Variants in VOPP1 observed in about 807,000 individuals in gnomAD.
The protein encoded by VOPP1 is WW domain binding protein VOPP1.
A neutral mutation model predicts 23.5 loss-of-function variants in VOPP1; 8 were observed. The ratio of observed to expected loss-of-function variants is 0.34; its 90% CI spans 0.20 to 0.61. The LOEUF (loss-of-function observed/expected upper bound fraction) is 0.61, where lower values mean the gene tolerates loss of function less well. Ranked by LOEUF, VOPP1 falls within the 20% of genes least tolerant of loss-of-function variation. The probability of loss-of-function intolerance (pLI) is 0.78; values close to 1 mark genes in which losing one functional copy is unlikely to be tolerated. For missense variants in VOPP1, 174 were observed against 238.1 expected, an observed-to-expected ratio of 0.73 and a Z score of 1.77; for synonymous variants, 83 against 97.3, an observed-to-expected ratio of 0.85 and a Z score of 0.86.
intron 2 of VOPP1, among the ~76,000 whole-genome samples, chr7:55,501,379 A>G (rs956943441): frequency 9.9e-5 from 15 of 152,216 alleles, no homozygotes; most frequent in Non-Finnish European, 2.2e-4. Context: ...ACACTTCTTC[A>G]CAGCTGCTGC....
At chr7:55,500,394 C>G (rs1583933358) in intron 2 of VOPP1, among the ~76,000 whole-genome samples, 1 of 152,358 alleles carries the variant, frequency 6.6e-6, no homozygotes, top group Middle Eastern at 3.4e-3. Context: ...CAACAGCAAT[C>G]CCAGCAGGAC....
At chr7:55,526,776 G>A (rs1208561419) in intron 1 of VOPP1, 1 of 152,210 alleles carries the variant, frequency 6.6e-6, no homozygotes, top group Non-Finnish European at 1.5e-5. Flanking sequence ...TCACGGCAAC[G>A]GCTTTGGCCA....
chr7:55,521,544 A>G (rs1045268806), intron 1 of VOPP1: 2 of 998,456 alleles, frequency 2.0e-6, no homozygotes, highest in Non-Finnish European at 2.4e-6. Flanking sequence ...CTAGAGCTGT[A>G]TATTTCAGAA....
intron 1 of VOPP1, among the ~76,000 whole-genome samples, chr7:55,528,540 C>T (rs778183861): frequency 6.6e-6 from 1 of 152,086 alleles, no homozygotes; most frequent in Non-Finnish European, 1.5e-5. Context: ...CAAAAATTAG[C>T]TGGGCGTGGT....
At chr7:55,512,349 C>T (rs1215520338) in intron 2 of VOPP1, among the ~76,000 whole-genome samples, 1 of 152,026 alleles carries the variant, frequency 6.6e-6, no homozygotes, top group Non-Finnish European at 1.5e-5. Context: ...TCGCCTGGAC[C>T]TGGAAGGCGG....
intron 1 of VOPP1, among the ~76,000 whole-genome samples, chr7:55,532,114 T>A (rs866530379): frequency 2.6e-5 from 4 of 152,266 alleles, no homozygotes; most frequent in Admixed American, 6.5e-5. Context: ...TCTGTAAGTC[T>A]AGATTCTAAC....
chr7:55,506,311 T>G (rs769050750), intron 2 of VOPP1, among the ~76,000 whole-genome samples: 3 of 152,226 alleles, frequency 2.0e-5, no homozygotes, highest in Non-Finnish European at 4.4e-5. Flanking sequence ...CTCCCAATGA[T>G]AAGTCTATTA....
intron 4 of VOPP1, among the ~76,000 whole-genome samples, chr7:55,457,318 CA>C (rs1791392013): frequency 6.6e-6 from 1 of 152,088 alleles, no homozygotes; most frequent in African/African-American, 2.4e-5. Context: ...AATAGCGAAA[CA>C]GTATTCCATT....
chr7:55,454,631 A>G (rs1791322457), intron 4 of VOPP1, among the ~76,000 whole-genome samples: 1 of 152,242 alleles, frequency 6.6e-6, no homozygotes, highest in Non-Finnish European at 1.5e-5. Context: ...CCTGGGATGC[A>G]ACGCTGGTTC....
intron 2 of VOPP1, among the ~76,000 whole-genome samples, chr7:55,509,808 GTCTC>G (rs1244733102): frequency 4.6e-5 from 7 of 152,160 alleles, no homozygotes; most frequent in Middle Eastern, 6.8e-3. Flanking sequence ...TCTTTTCATG[GTCTC>G]TCTCTGTCTT....
chr7:55,472,868 A>G lies in VOPP1; in HGVS notation c.506T>C (p.Val169Ala). The G allele has an allele frequency of 7.4e-7, 1 of 1,359,672 alleles. No individual in the cohort carries two copies. Among genetic ancestry groups the G allele is most frequent in the Non-Finnish European group, 9.7e-7 (1 of 1,033,988 alleles). 84.2% of individuals were successfully genotyped at this position (1,359,672 alleles called of 1,614,324 possible). ...GTGGGCACCCCACTACTTGGCCTTC[A>G]CTACCTGTTCGTACGGGGGCGGAGG... ...NTPPPPYEQV[V>A]KAK Residue 169 changes from valine (V) to alanine (A), a missense_variant, in exon 5 of 5, where the codon GTG becomes GCG. Val to Ala is a moderately conservative substitution (Grantham distance 64). Transcript: ENST00000285279.
chr7:55,476,475 A>C (rs958051737), intron 4 of VOPP1, among the ~76,000 whole-genome samples: 2 of 152,038 alleles, frequency 1.3e-5, no homozygotes, highest in African/African-American at 2.4e-5. Flanking sequence ...TGGGGATGCA[A>C]AAGAGTCCGG....
intron 1 of VOPP1, among the ~76,000 whole-genome samples, chr7:55,558,488 C>A (rs1208973179): frequency 6.6e-6 from 1 of 152,148 alleles, no homozygotes; most frequent in African/African-American, 2.4e-5. Flanking sequence ...CACCTGCTAA[C>A]CTGTTCAGGT....
intron 4 of VOPP1, among the ~76,000 whole-genome samples, chr7:55,489,248 A>T (rs1224925675): frequency 6.6e-6 from 1 of 152,244 alleles, no homozygotes; most frequent in East Asian, 1.9e-4. Context: ...TTCATATGAC[A>T]GTCTGGATAT....
intron 1 of VOPP1, among the ~76,000 whole-genome samples, chr7:55,526,297 C>A (rs2129044390): frequency 6.6e-6 from 1 of 152,340 alleles, no homozygotes; most frequent in South Asian, 2.1e-4. Context: ...GGTTCAAGGA[C>A]TAGGGTATCT....
chr7:55,485,666 C>G (rs76770599), intron 4 of VOPP1, among the ~76,000 whole-genome samples: 71 of 152,354 alleles, frequency 4.7e-4, no homozygotes, highest in African/African-American at 1.6e-3. Context: ...TGACGCCACA[C>G]AGGGCCCACA....
intron 1 of VOPP1, among the ~76,000 whole-genome samples, chr7:55,565,705 C>T (rs1408336944): frequency 6.6e-6 from 1 of 152,168 alleles, no homozygotes; most frequent in African/African-American, 2.4e-5. Flanking sequence ...AAAAAGATTT[C>T]GGTCTCACTG....
intron 4 of VOPP1, among the ~76,000 whole-genome samples, chr7:55,462,692 G>T: frequency 1.5e-5 from 2 of 133,186 alleles, no homozygotes. Flanking sequence ...GTCTCGCTCT[G>T]TTGCCCAGGC....
chr7:55,502,587 T>C (rs1794444355), intron 2 of VOPP1, among the ~76,000 whole-genome samples: 1 of 152,224 alleles, frequency 6.6e-6, no homozygotes, highest in African/African-American at 2.4e-5. Flanking sequence ...GCTTTCTTCC[T>C]TTTGAAGCTG....
Sources: allele counts gnomAD v4.1 joint callset (sites outside exome capture counted in the v4.1 genomes callset), GRCh38; gene constraint gnomAD v4.1.1; transcripts MANE v1.5; gene names NCBI Gene and HGNC (gene_info 2026-07-23, HGNC 2026-07-21).